The following PRKCH variants were observed in gnomAD, a reference collection of about 807,000 sequenced individuals.
The protein encoded by PRKCH is protein kinase C eta, also known as protein kinase C eta type.
In PRKCH, 28 loss-of-function variants were observed where a neutral mutation model predicts 82.5. The ratio of observed to expected loss-of-function variants is 0.34; its 90% confidence interval spans 0.25 to 0.47. The LOEUF (loss-of-function observed/expected upper bound fraction) is 0.47, where lower values mean the gene tolerates loss of function less well. Ranked by LOEUF, PRKCH falls within the 20% of genes least tolerant of loss-of-function variation. The pLI, the probability that PRKCH is intolerant of heterozygous loss-of-function variation, is 1.00. For synonymous variants in PRKCH, 322 were observed against 327.4 expected, an observed-to-expected ratio of 0.98 and a Z score of 0.18; for missense variants, 705 against 881.8, an observed-to-expected ratio of 0.80 and a Z score of 2.54.
rs1385448945 is a variant in PRKCH at position 61,280,361 on chromosome 14, G to A, written c.-19+92693G>A. Reference sequence around the variant, plus strand: ...TGGCGGATGCGCGCGTACAGTTTGCGGAACGTGGGCAGCGCCGCCGTGCGC... The same window carrying A: ...TGGCGGATGCGCGCGTACAGTTTGCAGAACGTGGGCAGCGCCGCCGTGCGC... On this transcript the variant is annotated intron_variant, in intron 1 of 3. Transcript: ENST00000555185. The surrounding 1 kb of genome is among the most constrained non-coding windows in gnomAD (Gnocchi z 5.0). 2 of 1,613,982 alleles carry A rather than the reference G, an allele frequency of 1.2e-6. No individual in the cohort carries two copies. The highest frequency in any genetic ancestry group is 1.1e-5 in the South Asian group (1 of 91,086).
intron 6 of PRKCH, among the ~76,000 whole-genome samples, chr14:61,452,561 G>A (rs184692111): frequency 3.3e-5 from 5 of 152,184 alleles, no homozygotes; most frequent in East Asian, 3.9e-4. Flanking sequence ...TTCTTTGCTC[G>A]CCTCTTCAAC....
intron 1 of PRKCH, among the ~76,000 whole-genome samples, chr14:61,229,912 C>T (rs2044727901): frequency 6.6e-6 from 1 of 152,160 alleles, no homozygotes; most frequent in Non-Finnish European, 1.5e-5. Context: ...ATTCCAACCC[C>T]CTCTGCTTTT....
rs1425832691 is a variant in PRKCH, at chr14:61,280,981, G to T, written c.-19+93313G>T. On this transcript the variant is annotated intron_variant, in intron 1 of 3. Transcript: ENST00000555185. This position sits in a 1 kb window ranked among gnomAD's most constrained non-coding sequence, Gnocchi z 5.0. ...CTCCAGCTCCTTGATGCCGTTGGAG[G>T]AGTAGTAGAGGCCCAGGCCCAGGCC... 9.7e-6 allele frequency: 15 copies of T among 1,542,828 alleles called. No individual in the cohort carries two copies. Among genetic ancestry groups the T allele is most frequent in the Non-Finnish European group, 1.3e-5 (15 of 1,146,782 alleles).
In PRKCH at chr14:61,453,332, C is replaced by T. The variant is rs1478484083; in HGVS notation, c.939C>T (p.Pro313=). Residue 313 remains proline (P), a synonymous_variant, in exon 7 of 14, where the codon CCC becomes CCT. Coordinates refer to ENST00000332981, the MANE Select transcript of PRKCH (RefSeq NM_006255.5). The part of the protein sequence containing the change: ...AKTLAGMGLQ[P]GNISPTSKLV... ...CCCTGGCAGGGATGGGTCTCCAACC[C>T]GGAAATATTTCTCCAACCTCGGTGA... 12 of 1,613,000 alleles carry T rather than the reference C, an allele frequency of 7.4e-6. 1 individual carries two copies. The highest frequency in any genetic ancestry group is 4.2e-6 in the Non-Finnish European group (5 of 1,179,450).
chr14:61,274,035 C>T (rs2045181122), intron 1 of PRKCH, among the ~76,000 whole-genome samples: 1 of 152,112 alleles, frequency 6.6e-6, no homozygotes, highest in Non-Finnish European at 1.5e-5. Context: ...TAATCAGCTT[C>T]TAGGCACATA....
intron 2 of PRKCH, among the ~76,000 whole-genome samples, chr14:61,416,013 G>A (rs12433282): frequency 0.2 from 30,406 of 149,302 alleles, 3,475 homozygotes; most frequent in Admixed American, 0.35. Context: ...CATGTGTCAA[G>A]ATTCCCCTCC....
intron 9 of PRKCH, among the ~76,000 whole-genome samples, chr14:61,477,788 C>T (rs918732392): frequency 1.3e-5 from 2 of 152,202 alleles, no homozygotes; most frequent in Admixed American, 6.5e-5. Context: ...CATATAGCAT[C>T]GGGAAACATC....
In PRKCH at chr14:61,218,308, A is replaced by G. The variant is rs537822107; in HGVS notation, c.-19+30640A>G. ...CTGTCTCGTTACCTTTCAACCCTAT[A>G]CCCTCTTCAACACTGTGCCGTGCAG... is the stretch of plus-strand genomic sequence containing the variant. On this transcript the variant is annotated intron_variant, in intron 1 of 3. Transcript: ENST00000555185. Among the ~76,000 whole-genome samples, 7 of 152,032 alleles carry G rather than the reference A, an allele frequency of 4.6e-5. No individual in the cohort carries two copies. The East Asian group carries it at 1.2e-3, about 25-fold the overall frequency.
At chr14:61,382,108 A>G (rs1594643710) in intron 1 of PRKCH, among the ~76,000 whole-genome samples, 1 of 152,310 alleles carries the variant, frequency 6.6e-6, no homozygotes, top group East Asian at 1.9e-4. Flanking sequence ...TGGCCAAGCT[A>G]AAGACATAGC....
At chr14:61,269,081 C>T (rs2045128834) in intron 1 of PRKCH, among the ~76,000 whole-genome samples, 1 of 152,118 alleles carries the variant, frequency 6.6e-6, no homozygotes. Flanking sequence ...TGTGCCTATG[C>T]TTATGACAAA....
chr14:61,405,570 G>C (rs748670284), intron 2 of PRKCH, among the ~76,000 whole-genome samples: 2 of 152,182 alleles, frequency 1.3e-5, no homozygotes, highest in Non-Finnish European at 2.9e-5. Flanking sequence ...TAGAGATGGG[G>C]CTTCACCATG....
At chr14:61,329,493 C>T (rs12880172) in intron 1 of PRKCH, among the ~76,000 whole-genome samples, 82,877 of 151,890 alleles carry the variant, frequency 0.55, 26,541 homozygotes, top group Non-Finnish European at 0.71. Flanking sequence ...GCCTTAGCCT[C>T]CCAAAGTGCT....
In PRKCH at chr14:61,516,982, G is replaced by A. The variant is rs1287152206; in HGVS notation, c.1434-12093G>A. On this transcript the variant is annotated intron_variant, in intron 10 of 13. Coordinates refer to ENST00000332981, the MANE Select transcript of PRKCH (RefSeq NM_006255.5). ...TTCTGAAGTGCAAGTGTCTTCTTGT[G>A]TTTTTCAGAGGTTTGTGTTTAGATG... Among the ~76,000 whole-genome samples the A allele has an allele frequency of 1.3e-5, 2 of 152,098 alleles. 1 individual carries two copies. The highest frequency in any genetic ancestry group is 4.8e-5 in the African/African-American group (2 of 41,366).
intron 4 of PRKCH, among the ~76,000 whole-genome samples, chr14:61,448,677 A>G (rs919422174): frequency 2.6e-5 from 4 of 152,202 alleles, no homozygotes; most frequent in African/African-American, 7.2e-5. Context: ...AGGATATCCC[A>G]GGGAGAGAAA....
At chr14:61,449,332 C>A in intron 5 of PRKCH, 80 bp downstream of exon 5, 1 of 1,175,004 alleles carries the variant, frequency 8.5e-7, no homozygotes, top group East Asian at 2.5e-5. Flanking sequence ...CCCTCCCTCC[C>A]TCCTTTCCTC....
At chr14:61,359,261 C>T (rs2046192275) in intron 1 of PRKCH, among the ~76,000 whole-genome samples, 1 of 152,210 alleles carries the variant, frequency 6.6e-6, no homozygotes. Context: ...AGGTTCAAGC[C>T]ATGGCTGGAG....
At chr14:61,422,640 A>G (rs893204154) in intron 2 of PRKCH, among the ~76,000 whole-genome samples, 9 of 152,188 alleles carry the variant, frequency 5.9e-5, no homozygotes, top group Admixed American at 5.9e-4. Context: ...GGACATGCAT[A>G]CTGGAGATAA....
rs1027365003 is a variant in PRKCH at position 61,491,062 on chromosome 14, T to A, written c.1433+5406T>A. The stretch of plus-strand genomic sequence containing the variant: ...CAATCTCTCTCTGATTCCCACCTCC[T>A]AGGACCTCTCTTACTCCTCAGTATT... On this transcript the variant is annotated intron_variant, in intron 10 of 13. Transcript: ENST00000332981. Among the ~76,000 whole-genome samples, 4 of 152,148 alleles carry A rather than the reference T, an allele frequency of 2.6e-5. No homozygotes were observed. The East Asian group carries it at 7.7e-4, about 29-fold the overall frequency.
At chr14:61,485,443 G>T in intron 9 of PRKCH, 59 bp from the exon 10 acceptor site, 1 of 1,572,636 alleles carries the variant, frequency 6.4e-7, no homozygotes, top group Non-Finnish European at 8.7e-7. Context: ...ATATGCTGCT[G>T]ATGGAGCTCT....
Sources: gnomAD v4.1 joint callset for allele counts (sites outside exome capture counted in the v4.1 genomes callset) on GRCh38, gnomAD v4.1.1 for gene constraint, Gnocchi (gnomAD v3.1) non-coding constraint, MANE v1.5 for transcripts, NCBI Gene and HGNC (gene_info 2026-07-23, HGNC 2026-07-21) for gene names.